Variants in PCDHGA9 observed in about 807,000 individuals in gnomAD.
PCDHGA9 encodes protocadherin gamma subfamily A, 9.
A neutral mutation model predicts 62.5 loss-of-function variants in PCDHGA9; 37 were observed. The observed-to-expected ratio is 0.59, with a 90% CI of 0.46 to 0.78. The LOEUF is 0.78. Ranked by LOEUF, PCDHGA9 falls within the 30% of genes least tolerant of loss-of-function variation. PCDHGA9 has a pLI of 0.00. For synonymous variants in PCDHGA9, 459 were observed against 484.6 expected (o/e 0.95, Z 0.69); for missense variants, 1,138 against 1,166.2 (o/e 0.98, Z 0.35).
intron 1 of PCDHGA9, among the ~76,000 whole-genome samples, chr5:141,461,782 TAG>T (rs2099022757): frequency 6.6e-6 from 1 of 152,086 alleles, no homozygotes; most frequent in South Asian, 2.1e-4. Context: ...GCCTCCCAAG[TAG>T]CTGGGATTAC....
In PCDHGA9 at chr5:141,511,106, G is replaced by A. The variant is rs536900646; in HGVS notation, c.2732G>A (p.Arg911Gln). 4.6e-5 allele frequency: 75 copies of A among 1,614,196 alleles called. No individual in the cohort carries two copies. In the East Asian group the frequency reaches 5.8e-4, roughly 12 times the overall value. Reference protein sequence around the residue: ...NATLTNAAGKRDGKAPAGGNG... With the variant: ...NATLTNAAGKQDGKAPAGGNG... ...ACACTGACCAACGCAGCTGGCAAGC[G>A]GGATGGCAAGGCCCCAGCAGGTGGC... The change falls in exon 4 of 4, where the codon CGG (arginine) becomes CAG (glutamine). Residue 911 changes from arginine (R) to glutamine (Q), a missense_variant. Coordinates refer to ENST00000573521, the MANE Select transcript of PCDHGA9 (RefSeq NM_018921.3).
chr5:141,496,021 G>C lies in PCDHGA9; in HGVS notation c.2483+1156G>C, dbSNP rs1011612662. Among the ~76,000 whole-genome samples, 3 of 151,454 alleles carry C rather than the reference G, an allele frequency of 2.0e-5. No individual in the cohort carries two copies. The East Asian group carries it at 5.8e-4, about 29-fold the overall frequency. ...CTTTTATCTTGTCTTTTTTCTCTGA[G>C]CCTCTGTCTCTGTCTCTCATTTTTT... On this transcript the variant is annotated intron_variant, in intron 2 of 3. Coordinates refer to ENST00000573521, the MANE Select transcript of PCDHGA9 (RefSeq NM_018921.3).
In PCDHGA9 at chr5:141,486,531, C is replaced by T; in HGVS notation, c.2425-8276C>T. The T allele has an allele frequency of 6.2e-7, 1 of 1,614,062 alleles. No homozygotes were observed. Among genetic ancestry groups the T allele is most frequent in the Non-Finnish European group, 8.5e-7 (1 of 1,180,020 alleles). Reference sequence around the variant, plus strand: ...ATTTCAGATGTGAATGATAATCCACCCTCTTTCTTTCAGAGGTCACATGAG... The same window carrying T: ...ATTTCAGATGTGAATGATAATCCACTCTCTTTCTTTCAGAGGTCACATGAG... On this transcript the variant is annotated intron_variant, in intron 1 of 3. Transcript: ENST00000573521. This position sits in a 1 kb window ranked among gnomAD's most constrained non-coding sequence, Gnocchi z 5.0.
At chr5:141,506,930 T>C (rs2099857287) in intron 3 of PCDHGA9, among the ~76,000 whole-genome samples, 1 of 152,150 alleles carries the variant, frequency 6.6e-6, no homozygotes, top group African/African-American at 2.4e-5. Context: ...AAACAAACTT[T>C]AGGGGCCTCC....
intron 1 of PCDHGA9, among the ~76,000 whole-genome samples, chr5:141,467,297 CT>C (rs1229166213): frequency 2.0e-5 from 3 of 152,182 alleles, no homozygotes; most frequent in African/African-American, 7.2e-5. Context: ...AAGTGATCCA[CT>C]CACCTCGGCC....
intron 1 of PCDHGA9, chr5:141,478,473 A>G (rs2099458384): frequency 6.2e-7 from 1 of 1,613,742 alleles, no homozygotes; most frequent in African/African-American, 1.3e-5. Context: ...GCCAGCCGCC[A>G]GAACACGCTG....
rs1409333356 is a variant in PCDHGA9 at position 141,418,996 on chromosome 5, T to C, written c.2424+13620T>C. On this transcript the variant is annotated intron_variant, in intron 1 of 3. Coordinates refer to ENST00000573521, the MANE Select transcript of PCDHGA9 (RefSeq NM_018921.3). ...CACGGGACCAAGACTCAGGGGAAAATGGGGAAGTCAGGTGTAGCTTAAGTA... is the reference window on the plus strand; with the variant it reads ...CACGGGACCAAGACTCAGGGGAAAACGGGGAAGTCAGGTGTAGCTTAAGTA... 3.3e-5 allele frequency: 54 copies of C among 1,613,756 alleles called. 1 individual carries two copies. The East Asian group carries it at 1.0e-3, about 30-fold the overall frequency.
chr5:141,466,683 A>G (rs1347308492), intron 1 of PCDHGA9, among the ~76,000 whole-genome samples: 1 of 152,170 alleles, frequency 6.6e-6, no homozygotes, highest in African/African-American at 2.4e-5. Context: ...CTTCCACTCA[A>G]GCTTCATCAT....
At chr5:141,460,087 A>T (rs2098981724) in intron 1 of PCDHGA9, among the ~76,000 whole-genome samples, 1 of 152,008 alleles carries the variant, frequency 6.6e-6, no homozygotes, top group African/African-American at 2.4e-5. Flanking sequence ...AAAAAATAAT[A>T]ATTATACATG....
At chr5:141,502,815 TTTCC>T in intron 2 of PCDHGA9, among the ~76,000 whole-genome samples, 1 of 151,372 alleles carries the variant, frequency 6.6e-6, no homozygotes, top group East Asian at 1.9e-4. Context: ...TTCACTGTCT[TTTCC>T]TTGGGGAAGC....
At position 141,490,406 on chromosome 5, in the gene PCDHGA9, T is replaced by G; in HGVS notation, c.2425-4401T>G. On this transcript the variant is annotated intron_variant, in intron 1 of 3. Transcript: ENST00000573521. This position sits in a 1 kb window ranked among gnomAD's most constrained non-coding sequence, Gnocchi z 5.4. ...AGAAATGGTGAAGTGAGCCTTGATA[T>G]CTCTCCGGACCTGCCATTTCAGATT... is the stretch of plus-strand genomic sequence containing the variant. The G allele has an allele frequency of 1.9e-6, 3 of 1,614,112 alleles. No individual in the cohort carries two copies. Among genetic ancestry groups the G allele is most frequent in the Non-Finnish European group, 2.5e-6 (3 of 1,180,020 alleles).
intron 1 of PCDHGA9, chr5:141,441,857 ACGCCGC>A (rs2098279969): frequency 2.8e-6 from 1 of 352,664 alleles, no homozygotes; most frequent in Non-Finnish European, 5.6e-6. Flanking sequence ...ATGGTGCTGC[ACGCCGC>A]GGAGCCTGGC....
chr5:141,484,002 A>T, intron 1 of PCDHGA9, among the ~76,000 whole-genome samples: 1 of 25,484 alleles, frequency 3.9e-5, no homozygotes, highest in African/African-American at 1.7e-4. Context: ...GGAGGTCTGG[A>T]TGAGGGTGGG....
Position 141,477,060 on chromosome 5 carries a change from C to G in PCDHGA9, c.2425-17747C>G. On this transcript the variant is annotated intron_variant, in intron 1 of 3. Coordinates refer to ENST00000573521, the MANE Select transcript of PCDHGA9 (RefSeq NM_018921.3). The surrounding 1 kb of genome is among the most constrained non-coding windows in gnomAD (Gnocchi z 4.9). ...AAGGGTCGGCTGGACTTCGAGGACA[C>G]CAAACTCCATGAGATTTACATCCAG... The G allele has an allele frequency of 1.2e-6, 2 of 1,614,256 alleles. No individual in the cohort carries two copies. The highest frequency in any genetic ancestry group is 2.2e-5 in the South Asian group (2 of 91,086).
intron 1 of PCDHGA9, chr5:141,416,346 T>A (rs2096017940): frequency 6.6e-6 from 1 of 152,238 alleles, no homozygotes; most frequent in African/African-American, 2.4e-5. Flanking sequence ...TCAATAGGGA[T>A]CCTGAGGAGG....
At position 141,482,089 on chromosome 5, in the gene PCDHGA9, CAAA is replaced by C. The variant is rs36035257; in HGVS notation, c.2425-12704_2425-12702del. 2.7e-4 allele frequency among the ~76,000 whole-genome samples: 36 copies of C among 134,496 alleles called. No individual in the cohort carries two copies. The East Asian group carries it at 3.5e-3, about 13-fold the overall frequency. The allele number at this position is 134,496 out of a possible 152,430, so 88.2% of individuals were successfully genotyped here. On this transcript the variant is annotated intron_variant, in intron 1 of 3. Coordinates refer to ENST00000573521, the MANE Select transcript of PCDHGA9 (RefSeq NM_018921.3). ...AACAAGAACAAAACTCACTCCATCTCAAAAAAAAAAAAAAAATATCTAGAGATG... is the reference window on the plus strand; with the variant it reads ...AACAAGAACAAAACTCACTCCATCTCAAAAAAAAAAAAATATCTAGAGATG...
intron 1 of PCDHGA9, chr5:141,478,885 A>G (rs2099483148): frequency 8.4e-7 from 1 of 1,193,320 alleles, no homozygotes; most frequent in East Asian, 2.6e-5. Flanking sequence ...GCTTGGTATC[A>G]TTTACATTAG....
At chr5:141,459,714 T>C (rs1240430980) in intron 1 of PCDHGA9, among the ~76,000 whole-genome samples, 4 of 152,244 alleles carry the variant, frequency 2.6e-5, no homozygotes, top group Admixed American at 6.5e-5. Flanking sequence ...TTCTCACCAA[T>C]GCTTCCTATT....
In PCDHGA9 at chr5:141,500,954, C is replaced by T. The variant is rs536993707; in HGVS notation, c.2484-4439C>T. On this transcript the variant is annotated intron_variant, in intron 2 of 3. Coordinates refer to ENST00000573521, the MANE Select transcript of PCDHGA9 (RefSeq NM_018921.3). Reference sequence around the variant, plus strand: ...CGCCATCTCGGCTCACTGCAAGCTCCACCTCCTGGGTTCAAGCAATTCTCC... The same window carrying T: ...CGCCATCTCGGCTCACTGCAAGCTCTACCTCCTGGGTTCAAGCAATTCTCC... Among the ~76,000 whole-genome samples the T allele has an allele frequency of 2.4e-3, 358 of 152,060 alleles. 1 individual carries two copies. The highest frequency in any genetic ancestry group is 4.1e-3 in the Admixed American group (63 of 15,282).
Sources: allele counts gnomAD v4.1 joint callset (sites outside exome capture counted in the v4.1 genomes callset), GRCh38; gene constraint gnomAD v4.1.1; non-coding constraint Gnocchi (gnomAD v3.1); transcripts MANE v1.5; gene names NCBI Gene and HGNC (gene_info 2026-07-23, HGNC 2026-07-21).